TGFBR3: variants seen among roughly 807,000 people sequenced by gnomAD.
TGFBR3 encodes the protein transforming growth factor beta receptor type 3.
TGFBR3 carries 46 observed loss-of-function variants against 87.9 expected under a neutral mutation model. The observed-to-expected ratio is 0.52, with a 90% CI of 0.41 to 0.67. The LOEUF is 0.67. Ranked by LOEUF, TGFBR3 falls within the 30% of genes least tolerant of loss-of-function variation. TGFBR3 has a pLI of 0.00. For missense variants in TGFBR3, 866 were observed against 1,041.9 expected (o/e 0.83, Z 2.32); for synonymous variants, 381 against 391.6 (o/e 0.97, Z 0.32).
chr1:91,689,856 A>G (rs11806847), intron 16 of TGFBR3, among the ~76,000 whole-genome samples: 31,286 of 149,066 alleles, frequency 0.21, 3,685 homozygotes, highest in African/African-American at 0.28. Flanking sequence ...AAAAAAAAAA[A>G]AAAAAAAAGC....
intron 2 of TGFBR3, among the ~76,000 whole-genome samples, chr1:91,814,391 A>G (rs564383786): frequency 2.0e-5 from 3 of 152,340 alleles, no homozygotes; most frequent in Admixed American, 1.3e-4. Context: ...TAAAAAGTAT[A>G]GGAAGTTACA....
intron 2 of TGFBR3, among the ~76,000 whole-genome samples, chr1:91,818,278 CTTTTTTTTTTTTTTTTTTTTTT>C (rs760050197): frequency 0.016 from 515 of 32,436 alleles, 10 homozygotes; most frequent in African/African-American, 0.048. Flanking sequence ...TAGCCCCAGC[CTTTTTTTTTTTTTTTTTTTTTT>C]TTTTTTTTTT....
At chr1:91,709,993 C>T (rs1671924682) in intron 13 of TGFBR3, among the ~76,000 whole-genome samples, 1 of 152,160 alleles carries the variant, frequency 6.6e-6, no homozygotes, top group Non-Finnish European at 1.5e-5. Flanking sequence ...TCCCAGCAAG[C>T]TGCCAAGCTC....
At chr1:91,837,574 T>A (rs1057471014) in intron 2 of TGFBR3, among the ~76,000 whole-genome samples, 1 of 152,062 alleles carries the variant, frequency 6.6e-6, no homozygotes, top group East Asian at 1.9e-4. Flanking sequence ...GCAACCCGAG[T>A]CTACTTCAAC....
chr1:91,875,255 G>C (rs373754058), intron 1 of TGFBR3, among the ~76,000 whole-genome samples: 1 of 152,308 alleles, frequency 6.6e-6, no homozygotes, highest in African/African-American at 2.4e-5. Context: ...GGAGCTGGCA[G>C]CAGTGAGAGC....
chr1:91,721,914 G>T (rs755306482), intron 8 of TGFBR3, 41 bp downstream of exon 8: 4 of 1,574,948 alleles, frequency 2.5e-6, no homozygotes, highest in Non-Finnish European at 3.5e-6. Flanking sequence ...AGCTTCATTT[G>T]GGGGGTATTT....
rs186548167 is a variant in TGFBR3 at position 91,831,425 on chromosome 1, C to T, written c.61+30046G>A. Among the ~76,000 whole-genome samples the T allele has an allele frequency of 9.6e-5, 14 of 145,344 alleles. No individual in the cohort carries two copies. In the East Asian group the frequency reaches 2.2e-3, roughly 22 times the overall value. ...TCCAGAAATAAGTGATCATTTAAAA[C>T]TTAAGCAAAATTAAGGTTTACCATT... On this transcript the variant is annotated intron_variant, in intron 2 of 16. Coordinates refer to ENST00000212355, the MANE Select transcript of TGFBR3 (RefSeq NM_003243.5).
intron 14 of TGFBR3, among the ~76,000 whole-genome samples, chr1:91,702,287 A>G (rs1001904330): frequency 6.6e-6 from 1 of 152,194 alleles, no homozygotes; most frequent in African/African-American, 2.4e-5. Context: ...AATATCACGT[A>G]TATTTTATTC....
In TGFBR3 at chr1:91,682,321, G is replaced by C; in HGVS notation, c.*1418C>G. 1 of 453,606 alleles carries C rather than the reference G, an allele frequency of 2.2e-6. No homozygotes were observed. The highest frequency in any genetic ancestry group is 4.4e-6 in the Non-Finnish European group (1 of 226,732). The allele number at this position is 453,606 out of a possible 1,614,324, so 28.1% of individuals were successfully genotyped here. ...CTTATGGAATTCTAAGTTGTTTGGG[G>C]GAAATTCTGGAAAAAGAATAATTTG... On this transcript the variant is annotated 3_prime_UTR_variant, in exon 17 of 17. Coordinates refer to ENST00000212355, the MANE Select transcript of TGFBR3 (RefSeq NM_003243.5).
intron 2 of TGFBR3, among the ~76,000 whole-genome samples, chr1:91,896,977 A>G: frequency 6.7e-6 from 1 of 150,366 alleles, no homozygotes; most frequent in African/African-American, 2.4e-5. Flanking sequence ...TTTTTAAATT[A>G]AAAAAGACAA....
intron 14 of TGFBR3, among the ~76,000 whole-genome samples, chr1:91,705,811 C>T (rs1395811064): frequency 6.6e-6 from 1 of 152,198 alleles, no homozygotes; most frequent in African/African-American, 2.4e-5. Flanking sequence ...TGCTTCTCAA[C>T]TAAAATCTAG....
intron 6 of TGFBR3, among the ~76,000 whole-genome samples, chr1:91,729,171 A>G (rs1039157772): frequency 9.7e-5 from 14 of 144,696 alleles, no homozygotes; most frequent in African/African-American, 3.2e-4. Context: ...ACACACACAC[A>G]CACACACACA....
Position 91,696,350 on chromosome 1 carries a change from G to T in TGFBR3, c.2330-571C>A, listed in dbSNP as rs147741973. Among the ~76,000 whole-genome samples the T allele has an allele frequency of 4.2e-3, 640 of 152,268 alleles. 5 individuals are homozygous for T. The highest frequency in any genetic ancestry group is 0.015 in the African/African-American group (606 of 41,528). On this transcript the variant is annotated intron_variant, in intron 15 of 16. Coordinates refer to ENST00000212355, the MANE Select transcript of TGFBR3 (RefSeq NM_003243.5). ...TTCCTGTGGATTATAACATTTCACC[G>T]ATCTCCTCATATTAAACTCTTAATC...
At chr1:91,714,896 G>A (rs938278240) in intron 12 of TGFBR3, among the ~76,000 whole-genome samples, 1 of 152,238 alleles carries the variant, frequency 6.6e-6, no homozygotes, top group African/African-American at 2.4e-5. Context: ...CAGAATGGGG[G>A]AGGGGCAGAA....
chr1:91,757,814 A>T (rs1673801686), intron 4 of TGFBR3, among the ~76,000 whole-genome samples: 1 of 152,218 alleles, frequency 6.6e-6, no homozygotes, highest in Non-Finnish European at 1.5e-5. Context: ...TCATGAGGCA[A>T]GAGGAAAACT....
At chr1:91,709,499 C>T (rs1458708822) in intron 13 of TGFBR3, among the ~76,000 whole-genome samples, 2 of 152,168 alleles carry the variant, frequency 1.3e-5, no homozygotes, top group Non-Finnish European at 2.9e-5. Flanking sequence ...ATAAGATAAT[C>T]ATGTTGCTGA....
At chr1:91,828,103 C>A (rs1291433321) in intron 2 of TGFBR3, among the ~76,000 whole-genome samples, 2 of 152,200 alleles carry the variant, frequency 1.3e-5, no homozygotes, top group Non-Finnish European at 2.9e-5. Context: ...CTGACAGGAT[C>A]AGAACTGTAC....
At chr1:91,723,678 G>GC (rs150066330) in intron 7 of TGFBR3, among the ~76,000 whole-genome samples, 9,547 of 152,096 alleles carry the variant, frequency 0.063, 392 homozygotes, top group East Asian at 0.22. Flanking sequence ...GGGTGAGAGA[G>GC]CTAAATGCTG....
At chr1:91,723,459 T>A (rs1219307832) in intron 7 of TGFBR3, among the ~76,000 whole-genome samples, 1 of 124,226 alleles carries the variant, frequency 8.0e-6, no homozygotes, top group Non-Finnish European at 1.6e-5. Flanking sequence ...CTAGCCTGGG[T>A]GACAGAGGGA....
Sources: gnomAD v4.1 joint callset for allele counts (sites outside exome capture counted in the v4.1 genomes callset) on GRCh38, gnomAD v4.1.1 for gene constraint, MANE v1.5 for transcripts, NCBI Gene and HGNC (gene_info 2026-07-23, HGNC 2026-07-21) for gene names.